The following LRRTM4 variants were observed in gnomAD, a reference collection of about 807,000 sequenced individuals.
LRRTM4 encodes the protein leucine rich repeat transmembrane neuronal 4.
LRRTM4 carries 25 observed loss-of-function variants against 47.6 expected under a neutral mutation model. The ratio of observed to expected loss-of-function variants is 0.53; its 90% CI spans 0.38 to 0.73. The LOEUF is 0.73. Ranked by LOEUF, LRRTM4 falls within the 30% of genes least tolerant of loss-of-function variation. The probability of loss-of-function intolerance (pLI) is 0.00; values close to 1 mark genes in which losing one functional copy is unlikely to be tolerated. For missense variants in LRRTM4, 638 were observed against 713.4 expected, an observed-to-expected ratio of 0.89 and a Z score of 1.20; for synonymous variants, 311 against 269.5, an observed-to-expected ratio of 1.15 and a Z score of -1.51.
intron 3 of LRRTM4, among the ~76,000 whole-genome samples, chr2:77,350,060 C>T (rs58761841): frequency 0.059 from 9,003 of 151,806 alleles, 375 homozygotes; most frequent in Middle Eastern, 0.11. Context: ...CGGTGGCTCA[C>T]GCCTGTAATC....
chr2:77,174,987 G>T (rs1237620152), intron 3 of LRRTM4, among the ~76,000 whole-genome samples: 1 of 152,066 alleles, frequency 6.6e-6, no homozygotes, highest in Non-Finnish European at 1.5e-5. Context: ...ATGTGGAACA[G>T]ACGTGAATGT....
intron 3 of LRRTM4, among the ~76,000 whole-genome samples, chr2:77,337,764 G>A (rs202033423): frequency 1.3e-5 from 2 of 151,990 alleles, no homozygotes; most frequent in East Asian, 3.9e-4. Context: ...ATAGCAGTGT[G>A]AGAATGAACT....
chr2:76,927,677 T>C (rs1674631210), intron 3 of LRRTM4, among the ~76,000 whole-genome samples: 1 of 152,134 alleles, frequency 6.6e-6, no homozygotes, highest in Non-Finnish European at 1.5e-5. Context: ...AATAAATGAA[T>C]ATATATCATT....
At chr2:76,937,475 C>A (rs1044535890) in intron 3 of LRRTM4, among the ~76,000 whole-genome samples, 1 of 152,172 alleles carries the variant, frequency 6.6e-6, no homozygotes, top group Non-Finnish European at 1.5e-5. Context: ...CTTTTTAAAA[C>A]TTGATTGAGC....
chr2:77,166,306 G>A (rs1672883901), intron 3 of LRRTM4, among the ~76,000 whole-genome samples: 1 of 152,002 alleles, frequency 6.6e-6, no homozygotes, highest in Admixed American at 6.6e-5. Flanking sequence ...TGAAATAAGA[G>A]GACACAAACA....
chr2:77,104,943 T>G (rs1671057561), intron 3 of LRRTM4, among the ~76,000 whole-genome samples: 1 of 151,980 alleles, frequency 6.6e-6, no homozygotes, highest in Non-Finnish European at 1.5e-5. Flanking sequence ...AACTACAAGA[T>G]TGTTAAACAT....
At chr2:77,183,488 G>A (rs1344252316) in intron 3 of LRRTM4, among the ~76,000 whole-genome samples, 1 of 152,158 alleles carries the variant, frequency 6.6e-6, no homozygotes, top group African/African-American at 2.4e-5. Context: ...TGGTGGGACT[G>A]TAAACTAGTT....
chr2:77,082,377 C>T (rs62170953), intron 3 of LRRTM4, among the ~76,000 whole-genome samples: 1 of 152,052 alleles, frequency 6.6e-6, no homozygotes, highest in Admixed American at 6.6e-5. Flanking sequence ...AAATACCTTA[C>T]TATTATGCTG....
At chr2:77,102,442 C>A (rs1276020363) in intron 3 of LRRTM4, among the ~76,000 whole-genome samples, 1 of 152,206 alleles carries the variant, frequency 6.6e-6, no homozygotes, top group East Asian at 1.9e-4. Context: ...TTTCAAACTT[C>A]CACCATTAAG....
chr2:77,060,147 CTTTG>C (rs914010317), intron 3 of LRRTM4, among the ~76,000 whole-genome samples: 7 of 152,208 alleles, frequency 4.6e-5, no homozygotes, highest in South Asian at 2.1e-4. Context: ...TGGATTCTAC[CTTTG>C]TTTGACTGTT....
intron 3 of LRRTM4, among the ~76,000 whole-genome samples, chr2:77,379,723 T>A (rs1672981077): frequency 1.3e-5 from 2 of 152,148 alleles, no homozygotes; most frequent in South Asian, 4.1e-4. Flanking sequence ...TGTTTTTTAT[T>A]TCGCCTTCTT....
intron 3 of LRRTM4, among the ~76,000 whole-genome samples, chr2:77,159,746 C>A (rs1401984289): frequency 6.6e-6 from 1 of 151,834 alleles, no homozygotes; most frequent in Non-Finnish European, 1.5e-5. Context: ...AGCAGGCACA[C>A]TTAGGGAACT....
chr2:77,153,291 GC>G (rs776693074), intron 3 of LRRTM4, among the ~76,000 whole-genome samples: 3 of 152,274 alleles, frequency 2.0e-5, no homozygotes, highest in Non-Finnish European at 4.4e-5. Flanking sequence ...TGAGGAGAAT[GC>G]TTTCCTGCCC....
At chr2:77,280,243 C>T (rs915687778) in intron 3 of LRRTM4, among the ~76,000 whole-genome samples, 1 of 151,768 alleles carries the variant, frequency 6.6e-6, no homozygotes, top group African/African-American at 2.4e-5. Context: ...CTCTAGAAGC[C>T]GGAAAAGGAA....
At chr2:77,093,725 C>T (rs941044422) in intron 3 of LRRTM4, among the ~76,000 whole-genome samples, 8 of 152,058 alleles carry the variant, frequency 5.3e-5, no homozygotes, top group Admixed American at 5.2e-4. Flanking sequence ...CACATATACG[C>T]CCAGATGGCC....
At chr2:77,224,941 A>G (rs1199263529) in intron 3 of LRRTM4, among the ~76,000 whole-genome samples, 1 of 152,150 alleles carries the variant, frequency 6.6e-6, no homozygotes, top group Non-Finnish European at 1.5e-5. Context: ...ACTATTCACA[A>G]TAGCAAAGAC....
At chr2:76,863,065 G>A (rs6750897) in intron 3 of LRRTM4, among the ~76,000 whole-genome samples, 55,577 of 151,924 alleles carry the variant, frequency 0.37, 10,821 homozygotes, top group East Asian at 0.61. Context: ...TCTTAAACAC[G>A]TCTGACATTG....
rs756903503 is a variant in LRRTM4 at position 77,429,891 on chromosome 2, C to A, written c.1551+88427G>T. On this transcript the variant is annotated intron_variant, in intron 3 of 3. Transcript: ENST00000409884. ...GACTAGCCTGACCAACATGGTGAAG[C>A]CCTGTCTCTACTAAAAATACAAAAA... Among the ~76,000 whole-genome samples the A allele has an allele frequency of 2.6e-5, 4 of 152,060 alleles. No individual in the cohort carries two copies. The South Asian group carries it at 8.3e-4, about 32-fold the overall frequency.
chr2:77,312,907 T>G (rs1006456294), intron 3 of LRRTM4, among the ~76,000 whole-genome samples: 1 of 152,226 alleles, frequency 6.6e-6, no homozygotes, highest in African/African-American at 2.4e-5. Flanking sequence ...GCCTCTTATT[T>G]GATCTGAGTT....
Sources: gnomAD v4.1 joint callset for allele counts (sites outside exome capture counted in the v4.1 genomes callset) on GRCh38, gnomAD v4.1.1 for gene constraint, MANE v1.5 for transcripts, NCBI Gene and HGNC (gene_info 2026-07-23, HGNC 2026-07-21) for gene names.